The following LOXL2 variants were observed in gnomAD, a reference collection of about 807,000 sequenced individuals.
LOXL2 encodes lysyl oxidase homolog 2.
A neutral mutation model predicts 93.0 loss-of-function variants in LOXL2; 70 were observed. That is an observed-to-expected ratio of 0.75 (90% CI 0.62 to 0.92). The LOEUF is 0.92. Ranked by LOEUF, LOXL2 falls within the 40% of genes least tolerant of loss-of-function variation. LOXL2 has a pLI of 0.00. For synonymous variants in LOXL2, 438 were observed against 413.2 expected, an observed-to-expected ratio of 1.06 and a Z score of -0.73; for missense variants, 973 against 1,054.9, an observed-to-expected ratio of 0.92 and a Z score of 1.08.
At chr8:23,403,342 G>C (rs1298693270) in intron 1 of LOXL2, among the ~76,000 whole-genome samples, 1 of 152,188 alleles carries the variant, frequency 6.6e-6, no homozygotes, top group Non-Finnish European at 1.5e-5. Flanking sequence ...CGTGCCGAGA[G>C]CGCCTCTGCT....
At chr8:23,396,278 T>C (rs1800088296) in intron 1 of LOXL2, among the ~76,000 whole-genome samples, 1 of 151,842 alleles carries the variant, frequency 6.6e-6, no homozygotes, top group African/African-American at 2.4e-5. Flanking sequence ...AATCGTGCCA[T>C]TGCATTACAG....
intron 10 of LOXL2, among the ~76,000 whole-genome samples, chr8:23,308,067 C>G (rs541522440): frequency 1.3e-5 from 2 of 151,588 alleles, no homozygotes; most frequent in South Asian, 4.2e-4. Flanking sequence ...TTCCTGCTCT[C>G]TGCAACTCCT....
intron 1 of LOXL2, among the ~76,000 whole-genome samples, chr8:23,384,069 G>A (rs1385323004): frequency 5.3e-5 from 8 of 152,244 alleles, no homozygotes; most frequent in Admixed American, 3.9e-4. Context: ...AAAACAGCTC[G>A]CCTACATACC....
intron 2 of LOXL2, among the ~76,000 whole-genome samples, chr8:23,362,548 T>C (rs1197073778): frequency 6.6e-6 from 1 of 152,042 alleles, no homozygotes; most frequent in Non-Finnish European, 1.5e-5. Context: ...GCCTGGGCAA[T>C]ATAGCGAGGC....
intron 3 of LOXL2, among the ~76,000 whole-genome samples, chr8:23,346,144 A>AG (rs1352444307): frequency 1.3e-5 from 1 of 75,870 alleles, no homozygotes. Context: ...AAATAAAATA[A>AG]ATAAAATAAA....
chr8:23,303,867 A>C (rs1803183368), intron 10 of LOXL2, among the ~76,000 whole-genome samples: 1 of 152,230 alleles, frequency 6.6e-6, no homozygotes, highest in Non-Finnish European at 1.5e-5. Flanking sequence ...AAAGGGTAAG[A>C]AGCATGATTA....
chr8:23,364,227 C>T (rs937663693), intron 2 of LOXL2: 9 of 152,114 alleles, frequency 5.9e-5, no homozygotes, highest in African/African-American at 2.4e-5. Flanking sequence ...TACTCCGATT[C>T]CAATGCAACC....
At chr8:23,335,670 G>A (rs541885047) in intron 4 of LOXL2, among the ~76,000 whole-genome samples, 1 of 152,188 alleles carries the variant, frequency 6.6e-6, no homozygotes, top group East Asian at 1.9e-4. Flanking sequence ...CTGCACGGCA[G>A]GACCCAGTAA....
At chr8:23,309,611 A>G in intron 10 of LOXL2, 57 bp downstream of exon 10, 1 of 1,358,352 alleles carries the variant, frequency 7.4e-7, no homozygotes, top group African/African-American at 1.5e-5. Context: ...CTCCCATCTG[A>G]GGCCTGCAGG....
At chr8:23,359,958 T>A in intron 3 of LOXL2, 132 bp downstream of exon 3, 1 of 782,542 alleles carries the variant, frequency 1.3e-6, no homozygotes, top group South Asian at 1.8e-5. Flanking sequence ...ACTGCCCTTG[T>A]ATCTAATCCC....
chr8:23,340,769 A>G (rs745414838), intron 4 of LOXL2, among the ~76,000 whole-genome samples: 1 of 152,088 alleles, frequency 6.6e-6, no homozygotes, highest in Admixed American at 6.5e-5. Context: ...ATTAGGGTCT[A>G]TCTCCTGTAG....
intron 3 of LOXL2, among the ~76,000 whole-genome samples, chr8:23,350,564 C>G (rs34030530): frequency 0.31 from 46,735 of 152,058 alleles, 9,410 homozygotes; most frequent in African/African-American, 0.57. Flanking sequence ...GAGCGAAACT[C>G]CATCTCAACA....
intron 3 of LOXL2, among the ~76,000 whole-genome samples, chr8:23,348,147 A>G (rs1479929769): frequency 1.3e-5 from 2 of 151,970 alleles, no homozygotes; most frequent in Admixed American, 6.6e-5. Context: ...TGAGCAAACT[A>G]TCACAAGGAC....
At chr8:23,358,618 C>T (rs1433738558) in intron 3 of LOXL2, among the ~76,000 whole-genome samples, 3 of 152,202 alleles carry the variant, frequency 2.0e-5, no homozygotes, top group African/African-American at 7.2e-5. Flanking sequence ...CTAAGCCCCA[C>T]ATATGTTGCA....
intron 3 of LOXL2, among the ~76,000 whole-genome samples, chr8:23,354,971 T>A (rs1804167085): frequency 1.9e-5 from 2 of 107,408 alleles, no homozygotes; most frequent in African/African-American, 7.3e-5. Context: ...TTTTTTTTTT[T>A]TTTTTTGAGA....
intron 12 of LOXL2, among the ~76,000 whole-genome samples, chr8:23,299,896 C>A (rs1165167616): frequency 1.3e-5 from 2 of 152,252 alleles, no homozygotes; most frequent in East Asian, 1.9e-4. Context: ...TGGCAGCCGG[C>A]CCTCTGCTCT....
chr8:23,360,143 C>A lies in LOXL2; in HGVS notation c.478G>T (p.Asp160Tyr). 1 of 1,612,982 alleles carries A rather than the reference C, an allele frequency of 6.2e-7. No individual in the cohort carries two copies. Among genetic ancestry groups the A allele is most frequent in the Non-Finnish European group, 8.5e-7 (1 of 1,178,980 alleles). The stretch of plus-strand genomic sequence containing the variant: ...AATTTGAACCCAGGAATCCTTTTGT[C>A]GCTGCACACCACACCGACATCCTCC... ...HTEDVGVVCS[D>Y]KRIPGFKFDN... Residue 160 changes from aspartate to tyrosine, a missense_variant, in exon 3 of 14, where the codon GAC (aspartate) becomes TAC (tyrosine). Transcript: ENST00000389131.
chr8:23,375,102 C>T (rs1804566434), intron 1 of LOXL2, among the ~76,000 whole-genome samples: 1 of 151,974 alleles, frequency 6.6e-6, no homozygotes, highest in Non-Finnish European at 1.5e-5. Context: ...GTCTTTAATC[C>T]ATCTTGAATT....
At chr8:23,362,832 T>C (rs964274391) in intron 2 of LOXL2, among the ~76,000 whole-genome samples, 2 of 152,190 alleles carry the variant, frequency 1.3e-5, no homozygotes, top group Non-Finnish European at 2.9e-5. Flanking sequence ...TTTCAAATAG[T>C]GATTTTTATA....
Sources: allele counts gnomAD v4.1 joint callset (sites outside exome capture counted in the v4.1 genomes callset), GRCh38; gene constraint gnomAD v4.1.1; transcripts MANE v1.5; gene names NCBI Gene and HGNC (gene_info 2026-07-23, HGNC 2026-07-21).